PGM5: variants seen among roughly 807,000 people sequenced by gnomAD.
PGM5 encodes phosphoglucomutase 5.
Under a neutral mutation model 59.2 loss-of-function variants are expected in PGM5, and 23 were observed. The observed-to-expected ratio is 0.39, with a 90% CI of 0.28 to 0.55. The LOEUF (loss-of-function observed/expected upper bound fraction) is 0.55, where lower values mean the gene tolerates loss of function less well. Ranked by LOEUF, PGM5 falls within the 20% of genes least tolerant of loss-of-function variation. The probability of loss-of-function intolerance (pLI) is 0.66; values close to 1 mark genes in which losing one functional copy is unlikely to be tolerated. For missense variants in PGM5, 574 were observed against 748.3 expected, an observed-to-expected ratio of 0.77 and a Z score of 2.72; for synonymous variants, 214 against 286.0, an observed-to-expected ratio of 0.75 and a Z score of 2.54.
chr9:68,447,950 CA>C (rs1823640336), intron 6 of PGM5, among the ~76,000 whole-genome samples: 1 of 152,070 alleles, frequency 6.6e-6, no homozygotes. Context: ...TTTGGGTTGC[CA>C]GGGGCAGAAA....
At position 68,357,176 on chromosome 9, in the gene PGM5, G is replaced by A. The variant is rs1490209738; in HGVS notation, c.49G>A (p.Glu17Lys). 11 of 1,538,036 alleles carry A rather than the reference G, an allele frequency of 7.2e-6. No individual in the cohort carries two copies. Among genetic ancestry groups the A allele is most frequent in the Non-Finnish European group, 9.6e-6 (11 of 1,145,564 alleles). Reference sequence around the variant, plus strand: ...GCTGACAGTGCCCACCGCGCCCTACGAGGACCAGCGGCCGGCCGGCGGCGG... The same window carrying A: ...GCTGACAGTGCCCACCGCGCCCTACAAGGACCAGCGGCCGGCCGGCGGCGG... Reference protein sequence around the residue: ...PVLTVPTAPYEDQRPAGGGGL... With the variant: ...PVLTVPTAPYKDQRPAGGGGL... The change falls in exon 1 of 11, where the codon GAG (glutamate) becomes AAG (lysine). Residue 17 changes from glutamate to lysine, a missense_variant. Around this residue, in one of 7 missense-constraint regions of PGM5, gnomAD observed 60 missense variants for 71.0 expected, o/e 0.85. Coordinates refer to ENST00000396396, the MANE Select transcript of PGM5 (RefSeq NM_021965.4).
At chr9:68,359,051 G>A (rs1328606485) in intron 1 of PGM5, among the ~76,000 whole-genome samples, 1 of 152,078 alleles carries the variant, frequency 6.6e-6, no homozygotes, top group Non-Finnish European at 1.5e-5. Flanking sequence ...AATTTTTTAG[G>A]GAGTGAGAGA....
At chr9:68,452,681 T>C (rs543993636) in intron 6 of PGM5, among the ~76,000 whole-genome samples, 1 of 152,314 alleles carries the variant, frequency 6.6e-6, no homozygotes, top group South Asian at 2.1e-4. Flanking sequence ...GTCACTCAGA[T>C]ACCAAACAGA....
At chr9:68,461,952 AT>A (rs1245851745) in intron 6 of PGM5, among the ~76,000 whole-genome samples, 2 of 152,238 alleles carry the variant, frequency 1.3e-5, no homozygotes, top group African/African-American at 4.8e-5. Flanking sequence ...TTAAGGGCAT[AT>A]TTGGAAAATA....
chr9:68,375,545 G>T (rs1424770709), intron 1 of PGM5, among the ~76,000 whole-genome samples: 1 of 152,182 alleles, frequency 6.6e-6, no homozygotes, highest in African/African-American at 2.4e-5. Flanking sequence ...TTCTCCCAGA[G>T]AATCCATTCA....
chr9:68,412,773 T>C (rs1822956376), intron 6 of PGM5, among the ~76,000 whole-genome samples: 1 of 152,256 alleles, frequency 6.6e-6, no homozygotes, highest in Non-Finnish European at 1.5e-5. Context: ...ATGTGCTATG[T>C]TCCATTTATA....
At chr9:68,455,599 G>C (rs1823762066) in intron 6 of PGM5, among the ~76,000 whole-genome samples, 1 of 152,098 alleles carries the variant, frequency 6.6e-6, no homozygotes, top group Non-Finnish European at 1.5e-5. Context: ...ATTAATTACA[G>C]TTGGCTTCAG....
chr9:68,357,100 GC>G lies in PGM5; in HGVS notation c.-26del, dbSNP rs1834464090. The G allele has an allele frequency of 6.9e-7, 1 of 1,455,840 alleles. No homozygotes were observed. Among genetic ancestry groups the G allele is most frequent in the Non-Finnish European group, 9.0e-7 (1 of 1,109,836 alleles). 90.2% of individuals were successfully genotyped at this position (1,455,840 alleles called of 1,614,324 possible). On this transcript the variant is annotated 5_prime_UTR_variant, in exon 1 of 11. Coordinates refer to ENST00000396396, the MANE Select transcript of PGM5 (RefSeq NM_021965.4). ...CTGCAGATTCCCTCCGGCTCCGGGA[GC>G]CGCAGCAGGACCGGCCAGGAGGCGC...
At chr9:68,493,642 G>T (rs1165851334) in intron 9 of PGM5, among the ~76,000 whole-genome samples, 1 of 152,226 alleles carries the variant, frequency 6.6e-6, no homozygotes, top group African/African-American at 2.4e-5. Flanking sequence ...AAGCTAGGCT[G>T]TATTATTTTT....
At chr9:68,382,334 A>G (rs1554678390) in intron 2 of PGM5, among the ~76,000 whole-genome samples, 1 of 151,770 alleles carries the variant, frequency 6.6e-6, no homozygotes, top group Admixed American at 6.6e-5. Context: ...ATGAAATTGG[A>G]CCCTTATCTT....
chr9:68,467,723 G>A (rs1370847056), intron 7 of PGM5, among the ~76,000 whole-genome samples: 1 of 151,988 alleles, frequency 6.6e-6, no homozygotes, highest in African/African-American at 2.4e-5. Context: ...AAGAAACTGG[G>A]TCATATTTCC....
At chr9:68,370,681 A>C (rs573511201) in intron 1 of PGM5, among the ~76,000 whole-genome samples, 37 of 152,384 alleles carry the variant, frequency 2.4e-4, no homozygotes, top group African/African-American at 8.7e-4. Context: ...GGTCTAAGGC[A>C]TGTGAAAGGG....
chr9:68,528,050 T>A (rs1024780293), intron 10 of PGM5, among the ~76,000 whole-genome samples: 1 of 152,220 alleles, frequency 6.6e-6, no homozygotes, highest in African/African-American at 2.4e-5. Flanking sequence ...TGGATTGGAA[T>A]GTGTGCACTC....
intron 6 of PGM5, among the ~76,000 whole-genome samples, chr9:68,438,133 C>CA (rs1823468528): frequency 6.6e-6 from 1 of 151,482 alleles, no homozygotes; most frequent in Non-Finnish European, 1.5e-5. Context: ...ACTAAAAACA[C>CA]AAAAAATTAG....
At chr9:68,410,994 G>A (rs557230290) in intron 6 of PGM5, among the ~76,000 whole-genome samples, 39 of 152,266 alleles carry the variant, frequency 2.6e-4, no homozygotes, top group African/African-American at 7.5e-4. Context: ...CCCCAGCAGT[G>A]CAAGCTATTA....
intron 10 of PGM5, among the ~76,000 whole-genome samples, chr9:68,520,101 A>AT (rs1374369316): frequency 6.7e-6 from 1 of 150,358 alleles, no homozygotes; most frequent in Admixed American, 6.6e-5. Context: ...AAAAAAAAAA[A>AT]AAGACAACTA....
intron 6 of PGM5, among the ~76,000 whole-genome samples, chr9:68,445,803 A>G (rs1468831704): frequency 1.3e-5 from 2 of 152,206 alleles, no homozygotes; most frequent in Admixed American, 6.5e-5. Flanking sequence ...TTTACACTAA[A>G]CACCTCTCAT....
intron 1 of PGM5, among the ~76,000 whole-genome samples, chr9:68,377,790 A>C (rs1298613133): frequency 6.6e-6 from 1 of 152,264 alleles, no homozygotes; most frequent in Middle Eastern, 3.2e-3. Context: ...TCTAAGTTAC[A>C]GGAAGCAGAA....
intron 7 of PGM5, chr9:68,466,145 T>A: frequency 7.7e-7 from 1 of 1,300,408 alleles, no homozygotes; most frequent in Non-Finnish European, 1.0e-6. Context: ...CTCCCCTTTT[T>A]TCTTCTTGTG....
Sources: gnomAD v4.1 joint callset for allele counts (sites outside exome capture counted in the v4.1 genomes callset) on GRCh38, gnomAD v4.1.1 for gene constraint, gnomAD v4.1.1 regional missense constraint, MANE v1.5 for transcripts, NCBI Gene and HGNC (gene_info 2026-07-23, HGNC 2026-07-21) for gene names.